The following C16orf74 variants were observed in gnomAD, a reference collection of about 807,000 sequenced individuals.
C16orf74 encodes uncharacterized protein C16orf74.
A neutral mutation model predicts 6.5 loss-of-function variants in C16orf74; 10 were observed. The ratio of observed to expected loss-of-function variants is 1.54; its 90% CI spans 0.95 to 2.61. The LOEUF (loss-of-function observed/expected upper bound fraction) is 2.61, where lower values mean the gene tolerates loss of function less well. Among genes scored for constraint, C16orf74 ranks in the 30% most tolerant of loss-of-function variants. The probability of loss-of-function intolerance (pLI) is 0.00; values close to 1 mark genes in which losing one functional copy is unlikely to be tolerated. For synonymous variants in C16orf74, 60 were observed against 42.5 expected (o/e 1.41, Z -1.60); for missense variants, 141 against 105.9 (o/e 1.33, Z -1.45).
intron 1 of C16orf74, among the ~76,000 whole-genome samples, chr16:85,743,898 A>C (rs1457629021): frequency 6.6e-6 from 1 of 151,988 alleles, no homozygotes; most frequent in Non-Finnish European, 1.5e-5. Flanking sequence ...CTAAAAATAC[A>C]AAAAAATTAG....
rs577162358 is a variant in C16orf74 at position 85,731,491 on chromosome 16, G to A, written c.28+3699C>T. Among the ~76,000 whole-genome samples, 14 of 152,238 alleles carry A rather than the reference G, an allele frequency of 9.2e-5. 1 individual carries two copies. The South Asian group carries it at 2.5e-3, about 27-fold the overall frequency. On this transcript the variant is annotated intron_variant, in intron 2 of 3. Transcript: ENST00000284245. ...GGTCTGAGTCCCTGGGCCAGGCTGC[G>A]GGGCTAGAGCAGAGGGGCAGAGGGC...
intron 1 of C16orf74, among the ~76,000 whole-genome samples, chr16:85,745,192 G>A (rs541100996): frequency 2.2e-4 from 33 of 148,792 alleles, no homozygotes; most frequent in Non-Finnish European, 3.1e-4. Flanking sequence ...AAATGGTCAC[G>A]GATTCTCTCT....
chr16:85,722,218 G>GGTACTAA (rs1464583517), intron 2 of C16orf74, among the ~76,000 whole-genome samples: 2 of 152,174 alleles, frequency 1.3e-5, no homozygotes, highest in East Asian at 3.9e-4. Context: ...GCTGTCATAA[G>GGTACTAA]GATGCATGGT....
intron 2 of C16orf74, among the ~76,000 whole-genome samples, chr16:85,721,124 G>A (rs1413605040): frequency 6.6e-6 from 1 of 152,024 alleles, no homozygotes; most frequent in South Asian, 2.1e-4. Context: ...CCCAGGTCCA[G>A]CCCTTGCTCC....
At chr16:85,716,246 G>T (rs1020074575) in intron 2 of C16orf74, among the ~76,000 whole-genome samples, 1 of 151,730 alleles carries the variant, frequency 6.6e-6, no homozygotes, top group African/African-American at 2.4e-5. Flanking sequence ...AGGAGAGGGG[G>T]TTGGAGGGAG....
rs555901437 is a variant in C16orf74 at position 85,744,604 on chromosome 16, G to A, written c.-19+6322C>T. Among the ~76,000 whole-genome samples the A allele has an allele frequency of 4.6e-5, 7 of 152,262 alleles. No homozygotes were observed. In the East Asian group the frequency reaches 1.4e-3, roughly 29 times the overall value. ...CCAGCACTTTGGGAGGCCAAGGCGGGCGGATCACGAGGTCAGGAGATCGAG... is the reference window on the plus strand; with the variant it reads ...CCAGCACTTTGGGAGGCCAAGGCGGACGGATCACGAGGTCAGGAGATCGAG... On this transcript the variant is annotated intron_variant, in intron 1 of 3. Coordinates refer to ENST00000284245, the MANE Select transcript of C16orf74 (RefSeq NM_206967.3).
At chr16:85,733,615 G>T (rs1251581477) in intron 2 of C16orf74, among the ~76,000 whole-genome samples, 1 of 152,158 alleles carries the variant, frequency 6.6e-6, no homozygotes, top group Non-Finnish European at 1.5e-5. Context: ...CAGGCACTGG[G>T]GAACTCATGT....
Position 85,709,930 on chromosome 16 carries a change from G to A in C16orf74, c.172+234C>T, listed in dbSNP as rs540077711. 1.1e-4 allele frequency among the ~76,000 whole-genome samples: 17 copies of A among 152,370 alleles called. No individual in the cohort carries two copies. In the South Asian group the frequency reaches 1.9e-3, roughly 17 times the overall value. ...CCGGCCCCATCCATCAAGCGTCCTG[G>A]CTGCTGGCAGGGGCTGTCTACTAAT... On this transcript the variant is annotated intron_variant, in intron 3 of 3. Coordinates refer to ENST00000284245, the MANE Select transcript of C16orf74 (RefSeq NM_206967.3).
chr16:85,731,373 C>A (rs1244176585), intron 2 of C16orf74, among the ~76,000 whole-genome samples: 5 of 152,348 alleles, frequency 3.3e-5, no homozygotes, highest in Non-Finnish European at 7.3e-5. Flanking sequence ...TGCTCCAAGG[C>A]CAAATCGTTA....
At chr16:85,725,798 T>C in intron 2 of C16orf74, among the ~76,000 whole-genome samples, 1 of 152,258 alleles carries the variant, frequency 6.6e-6, no homozygotes, top group African/African-American at 2.4e-5. Context: ...GAGATGGGGT[T>C]TCACCACGTT....
In C16orf74 at chr16:85,740,691, CAAAA is replaced by C. The variant is rs59658163; in HGVS notation, c.-18-5460_-18-5457del. 1.7e-3 allele frequency among the ~76,000 whole-genome samples: 218 copies of C among 130,984 alleles called. 4 individuals are homozygous for C. The highest frequency in any genetic ancestry group is 3.8e-3 in the African/African-American group (131 of 34,876). 85.9% of individuals were successfully genotyped at this position (130,984 alleles called of 152,430 possible). On this transcript the variant is annotated intron_variant, in intron 1 of 3. Coordinates refer to ENST00000284245, the MANE Select transcript of C16orf74 (RefSeq NM_206967.3). Reference sequence around the variant, plus strand: ...TGGGGCACAGAGCGAGACTCTGTTTCAAAAAAAAAAAAAAAAAAAAAAATTATCC... The same window carrying C: ...TGGGGCACAGAGCGAGACTCTGTTTCAAAAAAAAAAAAAAAAAAATTATCC...
chr16:85,707,997 A>C lies in C16orf74; in HGVS notation c.*11T>G, dbSNP rs1011243349. 1.5e-5 allele frequency: 23 copies of C among 1,551,646 alleles called. No homozygotes were observed. The highest frequency in any genetic ancestry group is 3.9e-5 in the Admixed American group (2 of 51,076). On this transcript the variant is annotated 3_prime_UTR_variant, in exon 4 of 4. Coordinates refer to ENST00000284245, the MANE Select transcript of C16orf74 (RefSeq NM_206967.3). ...GAGCAGGAGCCAGCCAGCCAAACCC[A>C]GGACACCTCCTCAGGCTTCTGGGTC...
At chr16:85,711,737 G>A (rs74864426) in intron 2 of C16orf74, among the ~76,000 whole-genome samples, 2,439 of 152,148 alleles carry the variant, frequency 0.016, 24 homozygotes, top group Non-Finnish European at 0.024. Flanking sequence ...TGCCCCAAAC[G>A]GTGCCAGGCT....
intron 1 of C16orf74, among the ~76,000 whole-genome samples, chr16:85,747,272 G>A (rs1450461320): frequency 6.6e-6 from 1 of 152,164 alleles, no homozygotes; most frequent in Non-Finnish European, 1.5e-5. Context: ...GCAATATGGT[G>A]AAATCCTGTC....
chr16:85,713,308 G>A (rs1279038292), intron 2 of C16orf74, among the ~76,000 whole-genome samples: 1 of 151,996 alleles, frequency 6.6e-6, no homozygotes, highest in African/African-American at 2.4e-5. Flanking sequence ...ATCTCACTCT[G>A]TCACCCAGGC....
At chr16:85,737,534 T>A (rs1307337923) in intron 1 of C16orf74, among the ~76,000 whole-genome samples, 1 of 152,102 alleles carries the variant, frequency 6.6e-6, no homozygotes, top group Non-Finnish European at 1.5e-5. Context: ...CCTGTCTCTA[T>A]AAAACAAGCT....
intron 2 of C16orf74, among the ~76,000 whole-genome samples, chr16:85,728,680 A>G (rs1222412569): frequency 6.6e-6 from 1 of 152,206 alleles, no homozygotes; most frequent in Non-Finnish European, 1.5e-5. Flanking sequence ...GGAAGGTGTA[A>G]CGGCTCCTTG....
intron 2 of C16orf74, among the ~76,000 whole-genome samples, chr16:85,716,996 C>T (rs1323008329): frequency 1.3e-5 from 2 of 152,196 alleles, no homozygotes; most frequent in Non-Finnish European, 2.9e-5. Flanking sequence ...CCCAGGGACC[C>T]AGGCCCGTCC....
chr16:85,739,319 C>G (rs945470373), intron 1 of C16orf74, among the ~76,000 whole-genome samples: 1 of 152,226 alleles, frequency 6.6e-6, no homozygotes, highest in Non-Finnish European at 1.5e-5. Flanking sequence ...ATTTTATCAT[C>G]TATTCCCTTT....
Sources: gnomAD v4.1 joint callset for allele counts (sites outside exome capture counted in the v4.1 genomes callset) on GRCh38, gnomAD v4.1.1 for gene constraint, MANE v1.5 for transcripts, NCBI Gene and HGNC (gene_info 2026-07-23, HGNC 2026-07-21) for gene names.